Variants in ITPR1 observed in about 807,000 individuals in gnomAD.
ITPR1 encodes inositol 1,4,5-trisphosphate-gated calcium channel ITPR1.
ITPR1 carries 96 observed loss-of-function variants against 318.4 expected under a neutral mutation model. That is an observed-to-expected ratio of 0.30 (90% CI 0.26 to 0.36). ITPR1 has a LOEUF of 0.36. Ranked by LOEUF, ITPR1 falls within the 10% of genes least tolerant of loss-of-function variation. The pLI is 1.00. For missense variants in ITPR1, 2,440 were observed against 3,460.2 expected, an observed-to-expected ratio of 0.71 and a Z score of 7.40; for synonymous variants, 1,312 against 1,289.9, an observed-to-expected ratio of 1.02 and a Z score of -0.37.
At chr3:4,800,701 A>G (rs1453768203) in intron 54 of ITPR1, 101 bp downstream of exon 54, 2 of 1,245,938 alleles carry the variant, frequency 1.6e-6, no homozygotes, top group African/African-American at 1.5e-5. Context: ...TCAGTCCAGA[A>G]AATTATTGTT....
rs543242557 is a variant in ITPR1, at chr3:4,793,374, GT to G, written c.6809-1687del. Reference sequence around the variant, plus strand: ...AGATCCTTTTCTTCCCCCCAACTTTGTTTTATGAGCTTTTTATACACACACT... The same window carrying G: ...AGATCCTTTTCTTCCCCCCAACTTTGTTTATGAGCTTTTTATACACACACT... On this transcript the variant is annotated intron_variant, in intron 52 of 61. Coordinates refer to ENST00000649015, the MANE Select transcript of ITPR1 (RefSeq NM_001378452.1). 2.0e-5 allele frequency among the ~76,000 whole-genome samples: 3 copies of G among 152,118 alleles called. No individual in the cohort carries two copies. The South Asian group carries it at 6.2e-4, about 31-fold the overall frequency.
rs534631443 is a variant in ITPR1 at position 4,577,683 on chromosome 3, G to A, written c.164-50080G>A. 4.6e-5 allele frequency among the ~76,000 whole-genome samples: 7 copies of A among 152,290 alleles called. No individual in the cohort carries two copies. In the East Asian group the frequency reaches 1.4e-3, roughly 29 times the overall value. ...AATTTGTCCAGAAAAACAACTTTAT[G>A]ATGGAAAGTCGTGTCCTCTGTAACC... On this transcript the variant is annotated intron_variant, in intron 4 of 61. Transcript: ENST00000649015.
chr3:4,639,594 A>G, intron 6 of ITPR1, 124 bp downstream of exon 6: 1 of 699,408 alleles, frequency 1.4e-6, no homozygotes, highest in Middle Eastern at 3.5e-4. Flanking sequence ...CAGCCAGTTT[A>G]TTGCAAAAAG....
At position 4,822,757 on chromosome 3, in the gene ITPR1, C is replaced by A. The variant is rs185673506; in HGVS notation, c.8028+4515C>A. 3.9e-5 allele frequency among the ~76,000 whole-genome samples: 6 copies of A among 152,298 alleles called. No individual in the cohort carries two copies. The Middle Eastern group carries it at 0.01, about 259-fold the overall frequency. On this transcript the variant is annotated intron_variant, in intron 60 of 61. Transcript: ENST00000649015. ...TGACCAGGGGAAGTGAGCCCTCCTCCACTGTAACTCACAGCGCCGCTCATT... is the reference window on the plus strand; with the variant it reads ...TGACCAGGGGAAGTGAGCCCTCCTCAACTGTAACTCACAGCGCCGCTCATT...
At chr3:4,565,212 G>A (rs898302208) in intron 4 of ITPR1, among the ~76,000 whole-genome samples, 1 of 152,054 alleles carries the variant, frequency 6.6e-6, no homozygotes, top group African/African-American at 2.4e-5. Flanking sequence ...GGGAACTGAG[G>A]CTTAGTTCCA....
intron 18 of ITPR1, among the ~76,000 whole-genome samples, 185 bp from the exon 19 acceptor site, chr3:4,669,469 C>T (rs1276875519): frequency 2.0e-5 from 3 of 152,148 alleles, no homozygotes; most frequent in Non-Finnish European, 4.4e-5. Context: ...CTTCTTGTTT[C>T]CTCTTCCTTC....
intron 4 of ITPR1, among the ~76,000 whole-genome samples, chr3:4,590,015 G>A (rs982144103): frequency 6.6e-6 from 1 of 151,978 alleles, no homozygotes; most frequent in Non-Finnish European, 1.5e-5. Context: ...TGTGCTTAAT[G>A]TTCCTCCTGC....
chr3:4,767,439 C>T (rs1303122847), intron 45 of ITPR1, among the ~76,000 whole-genome samples: 1 of 152,242 alleles, frequency 6.6e-6, no homozygotes, highest in African/African-American at 2.4e-5. Flanking sequence ...CTGGTCTAGA[C>T]AGGAGCTAAA....
intron 4 of ITPR1, among the ~76,000 whole-genome samples, chr3:4,530,948 G>C (rs2083366981): frequency 6.6e-6 from 1 of 152,076 alleles, no homozygotes; most frequent in South Asian, 2.1e-4. Context: ...GCTGCATTCA[G>C]TACATGAGCA....
At chr3:4,801,627 G>C (rs752962903) in intron 54 of ITPR1, among the ~76,000 whole-genome samples, 3 of 152,042 alleles carry the variant, frequency 2.0e-5, no homozygotes, top group African/African-American at 4.8e-5. Context: ...AGCTGGGTTT[G>C]GTAGCATGCG....
In ITPR1 at chr3:4,733,116, A is replaced by C; in HGVS notation, c.5249A>C (p.Asn1750Thr). 6.2e-7 allele frequency: 1 copy of C among 1,613,646 alleles called. No individual in the cohort carries two copies. Among genetic ancestry groups the C allele is most frequent in the Non-Finnish European group, 8.5e-7 (1 of 1,179,758 alleles). The change falls in exon 43 of 62, where the codon AAC (asparagine) becomes ACC (threonine). Residue 1750 changes from asparagine (N) to threonine (T), a missense_variant. Asn to Thr is a moderately conservative substitution (Grantham distance 65, BLOSUM62 0). Around this residue, in one of 23 missense-constraint regions of ITPR1, gnomAD observed 166 missense variants for 143.7 expected, o/e 1.16. Coordinates refer to ENST00000649015, the MANE Select transcript of ITPR1 (RefSeq NM_001378452.1). ...RGEALRQVLV[N>T]RYYGNVRPSG... ...GAGGCGCTCAGGCAAGTTCTGGTCA[A>C]CCGTTACTATGGAAACGTCAGACCT...
At chr3:4,750,166 A>G (rs937145617) in intron 44 of ITPR1, among the ~76,000 whole-genome samples, 3 of 151,916 alleles carry the variant, frequency 2.0e-5, no homozygotes, top group Non-Finnish European at 4.4e-5. Flanking sequence ...TTACTCCTTA[A>G]TTTACCTCAG....
At chr3:4,788,346 T>C (rs939734005) in intron 52 of ITPR1, among the ~76,000 whole-genome samples, 1 of 152,218 alleles carries the variant, frequency 6.6e-6, no homozygotes, top group African/African-American at 2.4e-5. Context: ...CTGAAAAGGC[T>C]TCCTTCATCA....
At chr3:4,751,124 C>A (rs1481613959) in intron 44 of ITPR1, 1 of 152,616 alleles carries the variant, frequency 6.6e-6, no homozygotes, top group African/African-American at 2.4e-5. Context: ...CTCCTTTGTC[C>A]TCTTGCCCTG....
intron 52 of ITPR1, among the ~76,000 whole-genome samples, chr3:4,792,267 G>T (rs2047609785): frequency 6.6e-6 from 1 of 152,190 alleles, no homozygotes; most frequent in African/African-American, 2.4e-5. Flanking sequence ...AGCCCCTTTT[G>T]CTAGGTTAGG....
rs1238708935 is a variant in ITPR1, at chr3:4,645,891, G to T, written c.855+163G>T. The T allele has an allele frequency of 5.9e-6, 4 of 676,584 alleles. No individual in the cohort carries two copies. In the Admixed American group the frequency reaches 1.2e-4, roughly 20 times the overall value. The allele number at this position is 676,584 out of a possible 1,614,324, so 41.9% of individuals were successfully genotyped here. A position where few individuals can be genotyped will look rare whatever the true frequency, so the allele number is the denominator to read the frequency against. On this transcript the variant is annotated intron_variant, in intron 10 of 61. Transcript: ENST00000649015. ...ACACACACACAGAATACATGTGTGT[G>T]TATATATATAAGTCACAAACAAGTA... is the stretch of plus-strand genomic sequence containing the variant.
chr3:4,773,430 T>G (rs2046308646), intron 46 of ITPR1, among the ~76,000 whole-genome samples: 1 of 152,234 alleles, frequency 6.6e-6, no homozygotes, highest in Non-Finnish European at 1.5e-5. Context: ...CTCTCAGATG[T>G]TATAAGAGTT....
At chr3:4,676,534 A>G in intron 23 of ITPR1, 80 bp from the exon 24 acceptor site, 1 of 1,032,804 alleles carries the variant, frequency 9.7e-7, no homozygotes, top group South Asian at 1.5e-5. Context: ...ATTTCTCTCA[A>G]AGAGCCCCTG....
intron 54 of ITPR1, among the ~76,000 whole-genome samples, chr3:4,804,393 TG>T (rs924487721): frequency 2.6e-4 from 40 of 152,126 alleles, no homozygotes; most frequent in African/African-American, 9.4e-4. Context: ...GGAAGACTGC[TG>T]GGTGCGCAGA....
Sources: allele counts gnomAD v4.1 joint callset (sites outside exome capture counted in the v4.1 genomes callset), GRCh38; gene constraint gnomAD v4.1.1; regional missense constraint gnomAD v4.1.1; transcripts MANE v1.5; gene names NCBI Gene and HGNC (gene_info 2026-07-23, HGNC 2026-07-21).